CDKL4: variants seen among roughly 807,000 people sequenced by gnomAD.
CDKL4 encodes the protein cyclin dependent kinase like 4, also known as cyclin-dependent kinase-like 4.
In CDKL4, 44 loss-of-function variants were observed where a neutral mutation model predicts 42.0. That is an observed-to-expected ratio of 1.05 (90% CI 0.82 to 1.35). CDKL4 has a LOEUF of 1.35. Ranked by LOEUF, CDKL4 falls within the 40% of genes most tolerant of loss-of-function variation. The probability of loss-of-function intolerance (pLI) is 0.00; values close to 1 mark genes in which losing one functional copy is unlikely to be tolerated. For missense variants in CDKL4, 393 were observed against 369.9 expected (o/e 1.06, Z -0.51); for synonymous variants, 120 against 121.6 (o/e 0.99, Z 0.09).
chr2:39,222,441 T>C (rs772370530), intron 3 of CDKL4, among the ~76,000 whole-genome samples: 1 of 151,876 alleles, frequency 6.6e-6, no homozygotes, highest in Non-Finnish European at 1.5e-5. Context: ...AATACAAAAA[T>C]TAGCCGGGCA....
At chr2:39,220,186 G>A (rs1678216862) in intron 3 of CDKL4, among the ~76,000 whole-genome samples, 1 of 152,204 alleles carries the variant, frequency 6.6e-6, no homozygotes, top group Non-Finnish European at 1.5e-5. Flanking sequence ...ATGTAACTAA[G>A]AGCACCCTAA....
Position 39,216,771 on chromosome 2 carries a change from G to C in CDKL4, c.291-3299C>G, listed in dbSNP as rs559536602. Reference sequence around the variant, plus strand: ...AGTACTGGAATTGGGAAACAAGGTAGGGGCTAGGATTGAGAAACTGCAAAA... The same window carrying C: ...AGTACTGGAATTGGGAAACAAGGTACGGGCTAGGATTGAGAAACTGCAAAA... On this transcript the variant is annotated intron_variant, in intron 3 of 9. Transcript: ENST00000451199. 3.7e-4 allele frequency among the ~76,000 whole-genome samples: 56 copies of C among 152,292 alleles called. 1 individual carries two copies. Among genetic ancestry groups the C allele is most frequent in the Non-Finnish European group, 6.8e-4 (46 of 68,018 alleles).
At position 39,184,650 on chromosome 2, in the gene CDKL4, G is replaced by A. The variant is rs367626065; in HGVS notation, c.736-3C>T. On this transcript the variant is annotated splice_polypyrimidine_tract_variant and splice_region_variant and intron_variant, in intron 7 of 9. Transcript: ENST00000451199. ...GAGAACTTTTCCTCAAGAGTTTCCT[G>A]AAAAACAAGGTTAAAACATTCAATA... 3.7e-6 allele frequency: 6 copies of A among 1,605,824 alleles called. No individual in the cohort carries two copies. The highest frequency in any genetic ancestry group is 1.6e-4 in the Middle Eastern group (1 of 6,064).
chr2:39,226,075 A>G, intron 2 of CDKL4, 115 bp from the exon 3 acceptor site: 1 of 1,021,794 alleles, frequency 9.8e-7, no homozygotes, highest in South Asian at 2.4e-5. Flanking sequence ...CAATGTACCT[A>G]TAATAAGTGG....
At chr2:39,238,966 G>A (rs1679509206) in intron 1 of CDKL4, among the ~76,000 whole-genome samples, 1 of 152,172 alleles carries the variant, frequency 6.6e-6, no homozygotes, top group African/African-American at 2.4e-5. Flanking sequence ...TGGCCAGGCT[G>A]ATCTTGAACT....
intron 8 of CDKL4, among the ~76,000 whole-genome samples, chr2:39,181,352 T>TC (rs1675429445): frequency 6.6e-6 from 1 of 152,320 alleles, no homozygotes; most frequent in East Asian, 1.9e-4. Context: ...CCCCTTTTTT[T>TC]CTCATCTGTT....
chr2:39,177,915 C>T (rs1558541052), intron 9 of CDKL4, among the ~76,000 whole-genome samples: 2 of 152,170 alleles, frequency 1.3e-5, no homozygotes, highest in Non-Finnish European at 2.9e-5. Context: ...TGTCAAACTC[C>T]TGACCTCAAG....
chr2:39,211,902 C>G (rs72927494), intron 4 of CDKL4, among the ~76,000 whole-genome samples: 9,454 of 152,144 alleles, frequency 0.062, 575 homozygotes, highest in African/African-American at 0.16. Context: ...CACCACATAG[C>G]AGGCATTGTT....
chr2:39,196,879 T>C (rs1399815212), intron 5 of CDKL4, among the ~76,000 whole-genome samples: 2 of 152,222 alleles, frequency 1.3e-5, no homozygotes, highest in African/African-American at 4.8e-5. Flanking sequence ...AGTGTTGGGA[T>C]TACAGGCGTA....
At chr2:39,192,011 G>A (rs1218699446) in intron 5 of CDKL4, among the ~76,000 whole-genome samples, 1 of 152,214 alleles carries the variant, frequency 6.6e-6, no homozygotes, top group East Asian at 1.9e-4. Flanking sequence ...AGTCCTCATA[G>A]GAGTGGGAAA....
downstream of CDKL4, among the ~76,000 whole-genome samples, chr2:39,173,812 C>CAAA (rs548800502): frequency 3.1e-5 from 3 of 95,242 alleles, no homozygotes; most frequent in African/African-American, 8.2e-5. Context: ...GACTCCATCT[C>CAAA]AAAAAAAAAA....
downstream of CDKL4, chr2:39,175,577 T>C (rs952487716): frequency 3.7e-5 from 6 of 162,042 alleles, no homozygotes. Flanking sequence ...TGAATTACAA[T>C]GCAGGAACAT....
chr2:39,218,943 T>G (rs80010004), intron 3 of CDKL4, among the ~76,000 whole-genome samples: 1 of 152,222 alleles, frequency 6.6e-6, no homozygotes, highest in African/African-American at 2.4e-5. Context: ...TTTGTTTCTC[T>G]GAAGAACCTT....
chr2:39,221,247 C>T (rs1321192246), intron 3 of CDKL4, among the ~76,000 whole-genome samples: 4 of 149,956 alleles, frequency 2.7e-5, no homozygotes, highest in Non-Finnish European at 5.9e-5. Context: ...GATCTCGTGA[C>T]CTTGTGATCC....
At position 39,177,981 on chromosome 2, in the gene CDKL4, G is replaced by A. The variant is rs1235672078; in HGVS notation, c.927+1206C>T. ...TGGGATTACAGGTGTGAGCCACCGC[G>A]CCAGCTGAGATGTTTTTAACAGGAG... On this transcript the variant is annotated intron_variant, in intron 9 of 9. Coordinates refer to ENST00000451199, the Ensembl canonical transcript of CDKL4. Among the ~76,000 whole-genome samples, 8 of 152,310 alleles carry A rather than the reference G, an allele frequency of 5.3e-5. No individual in the cohort carries two copies. In the East Asian group the frequency reaches 1.3e-3, roughly 26 times the overall value.
downstream of CDKL4, among the ~76,000 whole-genome samples, chr2:39,175,260 G>A (rs1675118341): frequency 6.6e-6 from 1 of 152,146 alleles, no homozygotes; most frequent in Non-Finnish European, 1.5e-5. Context: ...ACTTAGACAG[G>A]AGGAGAAAAG....
intron 1 of CDKL4, among the ~76,000 whole-genome samples, chr2:39,238,838 G>A (rs538907198): frequency 8.5e-5 from 13 of 152,238 alleles, no homozygotes; most frequent in East Asian, 3.9e-4. Flanking sequence ...TGCAACCTCC[G>A]TCTCCTGGGT....
In CDKL4 at chr2:39,178,594, C is replaced by A. The variant is rs1212182788; in HGVS notation, c.927+593G>T. 3 of 1,554,740 alleles carry A rather than the reference C, an allele frequency of 1.9e-6. No individual in the cohort carries two copies. In the South Asian group the frequency reaches 3.6e-5, roughly 18 times the overall value. On this transcript the variant is annotated intron_variant, in intron 9 of 9. Coordinates refer to ENST00000451199, the Ensembl canonical transcript of CDKL4. ...TCTGAAAGCAAGTGAAGGACAGTCA[C>A]CTGATAAACTGCAGAATTAATGTTT...
chr2:39,171,416 C>T (rs1674997213), downstream of CDKL4, among the ~76,000 whole-genome samples: 1 of 152,114 alleles, frequency 6.6e-6, no homozygotes, highest in African/African-American at 2.4e-5. Flanking sequence ...TCCCTAATCC[C>T]AAGGATTCAA....
Sources: allele counts gnomAD v4.1 joint callset (sites outside exome capture counted in the v4.1 genomes callset), GRCh38; gene constraint gnomAD v4.1.1; transcripts MANE v1.5; gene names NCBI Gene and HGNC (gene_info 2026-07-23, HGNC 2026-07-21).